Variants in PTPRG observed in about 807,000 individuals in gnomAD.
PTPRG encodes the protein protein tyrosine phosphatase receptor type G.
Under a neutral mutation model 165.3 loss-of-function variants are expected in PTPRG, and 102 were observed. That is an observed-to-expected ratio of 0.62 (90% CI 0.53 to 0.73). The LOEUF is 0.73. Among genes scored for constraint, PTPRG ranks in the 30% least tolerant of loss-of-function variants. PTPRG has a pLI of 0.00. For synonymous variants in PTPRG, 675 were observed against 669.5 expected (o/e 1.01, Z -0.13); for missense variants, 1,866 against 1,861.4 (o/e 1.00, Z -0.05).
intron 27 of PTPRG, among the ~76,000 whole-genome samples, chr3:62,282,390 T>A (rs1347316757): frequency 1.5e-5 from 2 of 135,794 alleles, no homozygotes; most frequent in Non-Finnish European, 3.1e-5. Context: ...GACTAGTTAA[T>A]TTTTTTTTTT....
chr3:61,647,321 C>T (rs927567831), intron 1 of PTPRG, among the ~76,000 whole-genome samples: 1 of 152,164 alleles, frequency 6.6e-6, no homozygotes, highest in Non-Finnish European at 1.5e-5. Context: ...AGTTTTCTTA[C>T]ATGCCAGATA....
chr3:61,819,225 A>G (rs1031570724), intron 2 of PTPRG, among the ~76,000 whole-genome samples: 2 of 152,222 alleles, frequency 1.3e-5, no homozygotes, highest in Non-Finnish European at 2.9e-5. Context: ...TATGAAGATC[A>G]TATGATTGTG....
intron 5 of PTPRG, among the ~76,000 whole-genome samples, chr3:62,086,846 A>G (rs776972333): frequency 3.3e-5 from 5 of 151,150 alleles, no homozygotes; most frequent in Admixed American, 1.3e-4. Flanking sequence ...CATTGAATTT[A>G]TAGCCTATCA....
At chr3:61,582,493 C>T (rs1388130882) in intron 1 of PTPRG, among the ~76,000 whole-genome samples, 3 of 152,100 alleles carry the variant, frequency 2.0e-5, no homozygotes, top group African/African-American at 4.8e-5. Flanking sequence ...ACAATTTATC[C>T]GAAGTGGCGA....
At chr3:61,829,911 T>C (rs189316473) in intron 2 of PTPRG, among the ~76,000 whole-genome samples, 2 of 152,330 alleles carry the variant, frequency 1.3e-5, no homozygotes, top group East Asian at 3.9e-4. Flanking sequence ...GTTGGGACTG[T>C]TGATTTAGTG....
At chr3:61,639,789 A>G (rs1470644909) in intron 1 of PTPRG, among the ~76,000 whole-genome samples, 3 of 152,242 alleles carry the variant, frequency 2.0e-5, no homozygotes, top group South Asian at 4.1e-4. Context: ...GAAGTTGTTT[A>G]TCAGTTCCAG....
chr3:61,977,371 A>AT (rs1453710339), intron 2 of PTPRG, among the ~76,000 whole-genome samples: 2 of 152,142 alleles, frequency 1.3e-5, no homozygotes, highest in Non-Finnish European at 2.9e-5. Flanking sequence ...TGTGTGTCTA[A>AT]TTTTTTAACA....
intron 2 of PTPRG, among the ~76,000 whole-genome samples, chr3:61,793,858 C>A (rs1293164647): frequency 6.6e-6 from 1 of 152,124 alleles, no homozygotes; most frequent in African/African-American, 2.4e-5. Context: ...CTGTGAGAAT[C>A]ATCTGTTCTC....
At chr3:61,962,686 T>C (rs1033216706) in intron 2 of PTPRG, among the ~76,000 whole-genome samples, 1 of 150,928 alleles carries the variant, frequency 6.6e-6, no homozygotes, top group Admixed American at 6.6e-5. Context: ...GTATGCATTA[T>C]TTATAATACC....
chr3:61,750,764 T>C (rs577644640), intron 2 of PTPRG: 3 of 152,378 alleles, frequency 2.0e-5, no homozygotes, highest in East Asian at 1.9e-4. Flanking sequence ...TTGAATTTTA[T>C]AATTTTCATG....
intron 6 of PTPRG, among the ~76,000 whole-genome samples, chr3:62,150,574 A>G (rs1704295232): frequency 6.6e-6 from 1 of 152,082 alleles, no homozygotes; most frequent in African/African-American, 2.4e-5. Flanking sequence ...TCTTTCCACT[A>G]TCCACTCCTT....
intron 26 of PTPRG, among the ~76,000 whole-genome samples, chr3:62,281,234 A>G (rs1702420018): frequency 6.6e-6 from 1 of 152,062 alleles, no homozygotes; most frequent in Non-Finnish European, 1.5e-5. Flanking sequence ...TGAAATAACA[A>G]AATTAACTGA....
In PTPRG at chr3:61,673,635, A is replaced by G. The variant is rs563142949; in HGVS notation, c.86-75243A>G. 5.3e-5 allele frequency among the ~76,000 whole-genome samples: 8 copies of G among 152,304 alleles called. No homozygotes were observed. In the South Asian group the frequency reaches 8.3e-4, roughly 16 times the overall value. On this transcript the variant is annotated intron_variant, in intron 1 of 29. Coordinates refer to ENST00000474889, the MANE Select transcript of PTPRG (RefSeq NM_002841.4). Reference sequence around the variant, plus strand: ...ATAAATCTATGCAAGTACAAGTGCAATTGTGTTACATGCATAGATTATGGA... The same window carrying G: ...ATAAATCTATGCAAGTACAAGTGCAGTTGTGTTACATGCATAGATTATGGA...
At position 61,690,632 on chromosome 3, in the gene PTPRG, C is replaced by T. The variant is rs564037046; in HGVS notation, c.86-58246C>T. 4.6e-5 allele frequency among the ~76,000 whole-genome samples: 7 copies of T among 152,272 alleles called. No homozygotes were observed. In the East Asian group the frequency reaches 5.8e-4, roughly 13 times the overall value. On this transcript the variant is annotated intron_variant, in intron 1 of 29. Coordinates refer to ENST00000474889, the MANE Select transcript of PTPRG (RefSeq NM_002841.4). ...GATAGATTCGTCCATCCTCCTTCTC[C>T]GTCATCACACATCAAGGCCAGGATT...
At chr3:61,982,150 G>C (rs1443579010) in intron 2 of PTPRG, among the ~76,000 whole-genome samples, 1 of 152,044 alleles carries the variant, frequency 6.6e-6, no homozygotes, top group Non-Finnish European at 1.5e-5. Context: ...ACTATTTGGG[G>C]GTGTACCTAA....
chr3:61,661,367 G>A (rs1226603122), intron 1 of PTPRG, among the ~76,000 whole-genome samples: 1 of 151,820 alleles, frequency 6.6e-6, no homozygotes, highest in African/African-American at 2.4e-5. Context: ...CTGAGTGAAG[G>A]AATAGCAAAC....
intron 1 of PTPRG, among the ~76,000 whole-genome samples, chr3:61,621,979 T>G (rs1226069168): frequency 1.3e-5 from 2 of 152,214 alleles, no homozygotes; most frequent in Non-Finnish European, 2.9e-5. Flanking sequence ...GTCCCTGTCC[T>G]TCTTGGAAGT....
chr3:61,886,109 G>C (rs981342695), intron 2 of PTPRG, among the ~76,000 whole-genome samples: 2 of 151,956 alleles, frequency 1.3e-5, no homozygotes, highest in African/African-American at 4.8e-5. Context: ...ACCTATCATG[G>C]AAAAGTTATC....
intron 5 of PTPRG, among the ~76,000 whole-genome samples, chr3:62,126,416 C>G (rs1703293808): frequency 6.6e-6 from 1 of 152,212 alleles, no homozygotes; most frequent in Admixed American, 6.5e-5. Context: ...CATGTCCGTG[C>G]TCAAGCTGCG....
Sources: gnomAD v4.1 joint callset for allele counts (sites outside exome capture counted in the v4.1 genomes callset) on GRCh38, gnomAD v4.1.1 for gene constraint, MANE v1.5 for transcripts, NCBI Gene and HGNC (gene_info 2026-07-23, HGNC 2026-07-21) for gene names.